SLC26A7: variants seen among roughly 807,000 people sequenced by gnomAD.
The protein encoded by SLC26A7 is anion exchange transporter.
A neutral mutation model predicts 82.5 loss-of-function variants in SLC26A7; 59 were observed. The ratio of observed to expected loss-of-function variants is 0.72; its 90% CI spans 0.58 to 0.89. The LOEUF (loss-of-function observed/expected upper bound fraction) is 0.89, where lower values mean the gene tolerates loss of function less well. SLC26A7 is among the 40% of genes least tolerant of loss of function. The probability of loss-of-function intolerance (pLI) is 0.00; values close to 1 mark genes in which losing one functional copy is unlikely to be tolerated. For synonymous variants in SLC26A7, 271 were observed against 274.3 expected, an observed-to-expected ratio of 0.99 and a Z score of 0.12; for missense variants, 820 against 793.0, an observed-to-expected ratio of 1.03 and a Z score of -0.41.
intron 6 of SLC26A7, among the ~76,000 whole-genome samples, chr8:91,337,432 A>G (rs557270995): frequency 1.3e-5 from 2 of 152,276 alleles, no homozygotes; most frequent in Non-Finnish European, 2.9e-5. Context: ...TATCAGAAAA[A>G]TGAAAATCGA....
intron 6 of SLC26A7, among the ~76,000 whole-genome samples, chr8:91,336,669 C>T (rs987477362): frequency 7.9e-5 from 12 of 152,092 alleles, no homozygotes; most frequent in Non-Finnish European, 1.3e-4. Context: ...GCCTTATACA[C>T]GCATATTGAA....
intron 4 of SLC26A7, among the ~76,000 whole-genome samples, chr8:91,307,836 A>C (rs770742418): frequency 2.2e-4 from 32 of 146,206 alleles, no homozygotes; most frequent in Non-Finnish European, 4.4e-4. Flanking sequence ...AAATTTCTTA[A>C]AATAAAATAA....
intron 2 of SLC26A7, among the ~76,000 whole-genome samples, chr8:91,239,622 G>A (rs2130684178): frequency 6.6e-6 from 1 of 151,994 alleles, no homozygotes; most frequent in South Asian, 2.1e-4. Flanking sequence ...ATCCCCTAAT[G>A]CCTGCAGCAG....
rs770768249 is a variant in SLC26A7, at chr8:91,340,400, A to G, written c.879-4A>G. 8 of 1,613,294 alleles carry G rather than the reference A, an allele frequency of 5.0e-6. No individual in the cohort carries two copies. The highest frequency in any genetic ancestry group is 6.8e-6 in the Non-Finnish European group (8 of 1,179,508). On this transcript the variant is annotated splice_polypyrimidine_tract_variant and splice_region_variant and intron_variant, in intron 7 of 18. Transcript: ENST00000276609. The stretch of plus-strand genomic sequence containing the variant: ...TGACTTCAATATGGTCCTTCTTTCC[A>G]CAGAATTCCCTCACCTAGAGCTCCC...
At chr8:91,278,866 AT>A (rs916537303) in intron 2 of SLC26A7, among the ~76,000 whole-genome samples, 5 of 151,776 alleles carry the variant, frequency 3.3e-5, no homozygotes, top group African/African-American at 1.2e-4. Flanking sequence ...CCTAACTGGA[AT>A]TTTTTGCCTT....
intron 4 of SLC26A7, among the ~76,000 whole-genome samples, chr8:91,314,331 A>G (rs1397315318): frequency 1.3e-5 from 2 of 152,194 alleles, no homozygotes; most frequent in East Asian, 3.8e-4. Context: ...GTTTGAAGAT[A>G]AACATGGTTC....
intron 2 of SLC26A7, among the ~76,000 whole-genome samples, chr8:91,228,636 A>G (rs1278001968): frequency 6.6e-6 from 1 of 151,300 alleles, no homozygotes; most frequent in African/African-American, 2.4e-5. Context: ...AGAGAGAGGA[A>G]GAAAGTGAGT....
intron 4 of SLC26A7, among the ~76,000 whole-genome samples, chr8:91,306,083 T>G (rs570283665): frequency 6.6e-6 from 1 of 152,358 alleles, no homozygotes; most frequent in Non-Finnish European, 1.5e-5. Context: ...TGCTTTATTT[T>G]CTGTTACTCA....
At chr8:91,244,305 C>T (rs1310484903) in intron 2 of SLC26A7, among the ~76,000 whole-genome samples, 1 of 151,816 alleles carries the variant, frequency 6.6e-6, no homozygotes, top group Non-Finnish European at 1.5e-5. Context: ...CTTGCCTTTT[C>T]TTCTCTTCCT....
chr8:91,329,487 T>C (rs1179023711), intron 5 of SLC26A7, among the ~76,000 whole-genome samples: 1 of 152,178 alleles, frequency 6.6e-6, no homozygotes, highest in Non-Finnish European at 1.5e-5. Flanking sequence ...TATAGTTTAA[T>C]CCAGACAGAC....
In SLC26A7 at chr8:91,317,087, G is replaced by C. The variant is rs529501132; in HGVS notation, c.478-1129G>C. Among the ~76,000 whole-genome samples the C allele has an allele frequency of 1.1e-4, 17 of 151,582 alleles. No individual in the cohort carries two copies. In the South Asian group the frequency reaches 2.3e-3, roughly 21 times the overall value. ...AAATGGGAGGATCACTTGAGCCTGG[G>C]GGGTGGAGGTTGCAGTGAGACATGG... On this transcript the variant is annotated intron_variant, in intron 4 of 18. Coordinates refer to ENST00000276609, the MANE Select transcript of SLC26A7 (RefSeq NM_052832.4).
chr8:91,293,620 TC>T (rs1206358099), intron 3 of SLC26A7, among the ~76,000 whole-genome samples: 2 of 152,180 alleles, frequency 1.3e-5, no homozygotes, highest in Non-Finnish European at 2.9e-5. Flanking sequence ...TTCCTTTTGT[TC>T]CCCTAACAAA....
At chr8:91,274,336 A>G (rs1811349013) in intron 2 of SLC26A7, among the ~76,000 whole-genome samples, 1 of 152,230 alleles carries the variant, frequency 6.6e-6, no homozygotes, top group East Asian at 1.9e-4. Context: ...GGCTGGATAA[A>G]TTGTAATGGA....
intron 2 of SLC26A7, among the ~76,000 whole-genome samples, chr8:91,237,257 C>A (rs1810405426): frequency 6.6e-6 from 1 of 152,204 alleles, no homozygotes. Flanking sequence ...TTCAGATAAA[C>A]AACATCATTT....
At chr8:91,222,352 C>G (rs1277859959) in intron 2 of SLC26A7, among the ~76,000 whole-genome samples, 4 of 152,022 alleles carry the variant, frequency 2.6e-5, no homozygotes, top group Admixed American at 6.6e-5. Flanking sequence ...ATTTGAATAC[C>G]CTTTATTTTT....
intron 11 of SLC26A7, among the ~76,000 whole-genome samples, chr8:91,361,569 A>G (rs1586454048): frequency 6.6e-6 from 1 of 152,174 alleles, no homozygotes; most frequent in Admixed American, 6.6e-5. Flanking sequence ...TTAAGAAAAT[A>G]TAACCTGGAT....
chr8:91,395,239 T>C lies in SLC26A7; in HGVS notation c.*142T>C, dbSNP rs1808536478. 2.8e-6 allele frequency: 4 copies of C among 1,437,040 alleles called. No individual in the cohort carries two copies. Among genetic ancestry groups the C allele is most frequent in the African/African-American group, 1.4e-5 (1 of 69,626 alleles). 89.0% of individuals were successfully genotyped at this position (1,437,040 alleles called of 1,614,324 possible). ...AGTACGATGTGACTTAGTAACTGCATAGCAGTTGGAAAGAACTGCCAACTT... is the reference window on the plus strand; with the variant it reads ...AGTACGATGTGACTTAGTAACTGCACAGCAGTTGGAAAGAACTGCCAACTT... On this transcript the variant is annotated 3_prime_UTR_variant, in exon 19 of 19. Coordinates refer to ENST00000276609, the MANE Select transcript of SLC26A7 (RefSeq NM_052832.4).
At chr8:91,280,046 C>A (rs573497991) in intron 2 of SLC26A7, among the ~76,000 whole-genome samples, 1 of 152,264 alleles carries the variant, frequency 6.6e-6, no homozygotes. Context: ...ATTTTATCCC[C>A]ATTCTGTAGG....
At chr8:91,313,764 T>C (rs1812553031) in intron 4 of SLC26A7, among the ~76,000 whole-genome samples, 1 of 152,186 alleles carries the variant, frequency 6.6e-6, no homozygotes, top group African/African-American at 2.4e-5. Context: ...TAACTCTTAG[T>C]AGATATTCAA....
Sources: allele counts gnomAD v4.1 joint callset (sites outside exome capture counted in the v4.1 genomes callset), GRCh38; gene constraint gnomAD v4.1.1; transcripts MANE v1.5; gene names NCBI Gene and HGNC (gene_info 2026-07-23, HGNC 2026-07-21).